Variants in METTL9 observed in about 807,000 individuals in gnomAD.
METTL9 encodes protein-L-histidine N-pros-methyltransferase.
METTL9 carries 10 observed loss-of-function variants against 36.0 expected under a neutral mutation model. That is an observed-to-expected ratio of 0.28 (90% confidence interval 0.17 to 0.47). The LOEUF is 0.47. Among genes scored for constraint, METTL9 ranks in the 20% least tolerant of loss-of-function variants. METTL9 has a pLI of 0.99. For synonymous variants in METTL9, 175 were observed against 149.7 expected (o/e 1.17, Z -1.23); for missense variants, 246 against 383.5 (o/e 0.64, Z 3.00).
chr16:21,644,779 G>C (rs915822223), intron 4 of METTL9, among the ~76,000 whole-genome samples: 3 of 152,164 alleles, frequency 2.0e-5, no homozygotes, highest in Non-Finnish European at 4.4e-5. Context: ...TCAAGAGTCT[G>C]CCTATGTGGT....
At chr16:21,629,735 A>G (rs538974231) in intron 4 of METTL9, among the ~76,000 whole-genome samples, 4 of 152,310 alleles carry the variant, frequency 2.6e-5, no homozygotes, top group African/African-American at 7.2e-5. Context: ...ATGGGGACCC[A>G]GCAGGTTGGT....
intron 4 of METTL9, among the ~76,000 whole-genome samples, chr16:21,628,937 T>G (rs1418048336): frequency 6.6e-6 from 1 of 150,560 alleles, no homozygotes; most frequent in Admixed American, 6.7e-5. Context: ...TCACCGAGGA[T>G]GGAATGTGGT....
At chr16:21,618,129 G>A in intron 3 of METTL9, 55 bp downstream of exon 3, 1 of 1,251,938 alleles carries the variant, frequency 8.0e-7, no homozygotes, top group Non-Finnish European at 1.1e-6. Context: ...TTATTTAAAG[G>A]ATATGAATAA....
At chr16:21,650,232 C>T (rs1163880258) in intron 4 of METTL9, among the ~76,000 whole-genome samples, 1 of 152,144 alleles carries the variant, frequency 6.6e-6, no homozygotes, top group Non-Finnish European at 1.5e-5. Context: ...AGAGGCTGGG[C>T]ATGGTGGCTC....
rs749592428 is a variant in METTL9, at chr16:21,612,668, A to G, written c.189A>G (p.Lys63=). The change falls in exon 2 of 5, where the codon AAA becomes AAG. Residue 63 remains lysine, a synonymous_variant. Transcript: ENST00000358154. ...AGTGGTATGTGTGCAACAGAGAGAA[A>G]TTATGCGAATCACTCCAGGCTGTCT... ...NHQWYVCNRE[K]LCESLQAVFV... 6.4e-7 allele frequency: 1 copy of G among 1,562,342 alleles called. No individual in the cohort carries two copies. Among genetic ancestry groups the G allele is most frequent in the South Asian group, 1.2e-5 (1 of 83,244 alleles).
chr16:21,655,689 C>A lies in METTL9; in HGVS notation c.*257C>A. ...CCACTCTCCAATGCAGGTCACACTC[C>A]AATTATGATGGAAGATATTTTTTAT... On this transcript the variant is annotated 3_prime_UTR_variant, in exon 5 of 5. Coordinates refer to ENST00000358154, the MANE Select transcript of METTL9 (RefSeq NM_016025.5). The A allele has an allele frequency of 2.6e-6, 1 of 387,302 alleles. No individual in the cohort carries two copies. Among genetic ancestry groups the A allele is most frequent in the Non-Finnish European group, 4.6e-6 (1 of 215,728 alleles). 24.0% of individuals were successfully genotyped at this position (387,302 alleles called of 1,614,324 possible).
intron 4 of METTL9, chr16:21,626,847 C>G: frequency 1.4e-6 from 1 of 702,476 alleles, no homozygotes; most frequent in Non-Finnish European, 1.7e-6. Context: ...AACTTTAATG[C>G]TACTTCCTGG....
Position 21,612,721 on chromosome 16 carries a change from C to CACAG in METTL9, c.244_247dup (p.Ile83ThrfsTer9). On this transcript the variant is annotated frameshift_variant, in exon 2 of 5. Coordinates refer to ENST00000358154, the MANE Select transcript of METTL9 (RefSeq NM_016025.5). LOFTEE classifies it high-confidence loss of function. ...GTTCAGAGTTACCTTGATCAAGGAA[C>CACAG]ACAGATCTTCTTAAACAACAGCATT... 5.0e-6 allele frequency: 8 copies of CACAG among 1,609,790 alleles called. No homozygotes were observed. The highest frequency in any genetic ancestry group is 6.8e-6 in the Non-Finnish European group (8 of 1,178,830).
intron 4 of METTL9, chr16:21,647,451 A>C (rs1416165646): frequency 6.2e-7 from 1 of 1,614,062 alleles, no homozygotes; most frequent in South Asian, 1.1e-5. Flanking sequence ...ACTTCTAGGT[A>C]CCACGGTTGT....
intron 4 of METTL9, chr16:21,652,342 T>C (rs1597792124): frequency 2.1e-6 from 1 of 487,282 alleles, no homozygotes; most frequent in East Asian, 3.3e-5. Flanking sequence ...AAGGTTAATA[T>C]GAAACTTTTT....
intron 4 of METTL9, among the ~76,000 whole-genome samples, chr16:21,631,159 A>G (rs1330032750): frequency 6.6e-6 from 1 of 152,182 alleles, no homozygotes; most frequent in Non-Finnish European, 1.5e-5. Context: ...AATGAAGTAG[A>G]TAAACTGGCT....
intron 4 of METTL9, chr16:21,646,874 T>G: frequency 2.2e-6 from 1 of 459,908 alleles, no homozygotes; most frequent in Non-Finnish European, 4.0e-6. Flanking sequence ...CAGGCTAGTC[T>G]TGAACTCCTG....
intron 3 of METTL9, 22 bp from the exon 4 acceptor site, chr16:21,624,909 C>A (rs777362512): frequency 6.2e-7 from 1 of 1,605,706 alleles, no homozygotes; most frequent in South Asian, 1.1e-5. Flanking sequence ...TATGTTAATA[C>A]AGTTATTTCT....
At chr16:21,641,735 G>A (rs574055106) in intron 4 of METTL9, 76 of 473,436 alleles carry the variant, frequency 1.6e-4, no homozygotes, top group Non-Finnish European at 2.4e-4. Flanking sequence ...CCAGATTACC[G>A]TTTTCCCCAT....
chr16:21,613,422 A>G lies in METTL9; in HGVS notation c.356+587A>G, dbSNP rs117314255. Among the ~76,000 whole-genome samples the G allele has an allele frequency of 8.8e-3, 1,342 of 151,896 alleles. 46 individuals are homozygous for G. The highest frequency in any genetic ancestry group is 0.083 in the East Asian group (430 of 5,170). ...GTCTCTAACTGACCTCAAGTGATCC[A>G]TCCACCTTTGCCTCCCAAAGTGCTG... On this transcript the variant is annotated intron_variant, in intron 2 of 4. Transcript: ENST00000358154.
At chr16:21,603,285 C>T (rs546294789) in intron 1 of METTL9, among the ~76,000 whole-genome samples, 92 of 152,114 alleles carry the variant, frequency 6.0e-4, no homozygotes, top group Admixed American at 7.9e-4. Context: ...ATTACAGGCA[C>T]GTGCCAGCAC....
chr16:21,630,273 C>T (rs1033761695), intron 4 of METTL9, among the ~76,000 whole-genome samples: 16 of 152,226 alleles, frequency 1.1e-4, no homozygotes, highest in African/African-American at 3.1e-4. Context: ...GCGCCAAGTG[C>T]GGGGCCTGCC....
chr16:21,612,602 TTG>T, intron 1 of METTL9, 41 bp from the exon 2 acceptor site: 2 of 1,449,870 alleles, frequency 1.4e-6, no homozygotes, highest in Non-Finnish European at 1.8e-6. Context: ...GACACTTCGG[TTG>T]TGTGTTTTAA....
chr16:21,610,571 A>G (rs758008350), intron 1 of METTL9, among the ~76,000 whole-genome samples: 2 of 152,226 alleles, frequency 1.3e-5, no homozygotes, highest in Non-Finnish European at 2.9e-5. Context: ...TTCTTTCCAG[A>G]AAGACCTGTG....
Sources: allele counts gnomAD v4.1 joint callset (sites outside exome capture counted in the v4.1 genomes callset), GRCh38; gene constraint gnomAD v4.1.1; transcripts MANE v1.5; gene names NCBI Gene and HGNC (gene_info 2026-07-23, HGNC 2026-07-21).